Variants in DOCK4 observed in about 807,000 individuals in gnomAD.
The protein encoded by DOCK4 is dedicator of cytokinesis 4.
In DOCK4, 97 loss-of-function variants were observed where a neutral mutation model predicts 268.1. That is an observed-to-expected ratio of 0.36 (90% CI 0.31 to 0.43). The LOEUF (loss-of-function observed/expected upper bound fraction) is 0.43, where lower values mean the gene tolerates loss of function less well. Among genes scored for constraint, DOCK4 ranks in the 20% least tolerant of loss-of-function variants. The pLI is 1.00. For synonymous variants in DOCK4, 954 were observed against 887.2 expected (o/e 1.08, Z -1.34); for missense variants, 2,145 against 2,455.7 (o/e 0.87, Z 2.67).
chr7:111,806,074 T>G (rs145030877), intron 30 of DOCK4, among the ~76,000 whole-genome samples: 76 of 152,318 alleles, frequency 5.0e-4, no homozygotes, highest in African/African-American at 1.8e-3. Context: ...TCTTATGTCC[T>G]CCAAAATACT....
At chr7:111,870,882 G>C (rs1246658857) in intron 20 of DOCK4, among the ~76,000 whole-genome samples, 1 of 152,198 alleles carries the variant, frequency 6.6e-6, no homozygotes, top group Non-Finnish European at 1.5e-5. Flanking sequence ...CTTGGAAGCA[G>C]TAACCTCCTC....
intron 44 of DOCK4, among the ~76,000 whole-genome samples, chr7:111,745,793 A>T (rs946550453): frequency 6.6e-6 from 1 of 150,520 alleles, no homozygotes; most frequent in African/African-American, 2.4e-5. Context: ...TGTTTGTTTC[A>T]CAGGTTGAAC....
At position 112,000,489 on chromosome 7, in the gene DOCK4, T is replaced by C; in HGVS notation, c.162+5A>G. 10 of 1,481,816 alleles carry C rather than the reference T, an allele frequency of 6.7e-6. No individual in the cohort carries two copies. The highest frequency in any genetic ancestry group is 9.2e-6 in the Non-Finnish European group (10 of 1,086,218). The allele number at this position is 1,481,816 out of a possible 1,614,324, so 91.8% of individuals were successfully genotyped here. A position where few individuals can be genotyped will look rare whatever the true frequency, so the allele number is the denominator to read the frequency against. Reference sequence around the variant, plus strand: ...ATAATTATAGTTAGAAATAACAATTTTTACCTTGATATTTGGGTTTTTTAA... The same window carrying C: ...ATAATTATAGTTAGAAATAACAATTCTTACCTTGATATTTGGGTTTTTTAA... On this transcript the variant is annotated splice_donor_5th_base_variant and intron_variant, in intron 3 of 52. Coordinates refer to ENST00000428084, the MANE Select transcript of DOCK4 (RefSeq NM_001363540.2).
intron 25 of DOCK4, among the ~76,000 whole-genome samples, chr7:111,836,105 G>A (rs1352869993): frequency 6.6e-6 from 1 of 151,920 alleles, no homozygotes; most frequent in Admixed American, 6.6e-5. Context: ...GTATATGTGT[G>A]TAAGGTAGTA....
At chr7:112,032,729 C>G (rs781579323) in intron 1 of DOCK4, among the ~76,000 whole-genome samples, 7 of 151,934 alleles carry the variant, frequency 4.6e-5, no homozygotes, top group Non-Finnish European at 1.0e-4. Context: ...GCTCATTTTC[C>G]CCAAAGCCCC....
intron 1 of DOCK4, among the ~76,000 whole-genome samples, chr7:112,055,622 C>T (rs1805742108): frequency 6.6e-6 from 1 of 152,062 alleles, no homozygotes; most frequent in Non-Finnish European, 1.5e-5. Flanking sequence ...TTAAACTTCC[C>T]TAGGGCAGGG....
rs1382542874 is a variant in DOCK4 at position 112,202,912 on chromosome 7, A to C, written c.37+3190T>G. Among the ~76,000 whole-genome samples, 7 of 152,222 alleles carry C rather than the reference A, an allele frequency of 4.6e-5. No individual in the cohort carries two copies. The East Asian group carries it at 1.3e-3, about 29-fold the overall frequency. On this transcript the variant is annotated intron_variant, in intron 1 of 52. Coordinates refer to ENST00000428084, the MANE Select transcript of DOCK4 (RefSeq NM_001363540.2). ...AAACAAATTGAGAAAGAGAGGAACCAGCACCTCAGTTCTGGCAGCTTGCCA... is the reference window on the plus strand; with the variant it reads ...AAACAAATTGAGAAAGAGAGGAACCCGCACCTCAGTTCTGGCAGCTTGCCA...
intron 50 of DOCK4, among the ~76,000 whole-genome samples, chr7:111,735,487 T>G (rs1795412796): frequency 6.6e-6 from 1 of 152,190 alleles, no homozygotes; most frequent in Non-Finnish European, 1.5e-5. Context: ...ATGTAGTCAC[T>G]GGGCTATTTT....
chr7:112,055,515 C>A (rs1037225625), intron 1 of DOCK4, among the ~76,000 whole-genome samples: 1 of 152,120 alleles, frequency 6.6e-6, no homozygotes, highest in South Asian at 2.1e-4. Flanking sequence ...AGCTGAGAAT[C>A]GACTTTTTTT....
chr7:111,783,014 G>GAAAAA, intron 34 of DOCK4, 90 bp from the exon 35 acceptor site: 4 of 412,744 alleles, frequency 9.7e-6, no homozygotes, highest in Non-Finnish European at 1.5e-5. Flanking sequence ...AAGAAAGAAA[G>GAAAAA]AAAGAAAAAA....
rs112991970 is a variant in DOCK4 at position 112,021,436 on chromosome 7, C to T, written c.38-17305G>A. Among the ~76,000 whole-genome samples, 506 of 152,220 alleles carry T rather than the reference C, an allele frequency of 3.3e-3. 4 individuals are homozygous for T. The highest frequency in any genetic ancestry group is 0.012 in the African/African-American group (479 of 41,542). On this transcript the variant is annotated intron_variant, in intron 1 of 52. Transcript: ENST00000428084. ...CAATACCTATTTATCCTTTGACTAG[C>T]TCAGAAAAGAAGTGCTACTTGAATT... is the stretch of plus-strand genomic sequence containing the variant.
chr7:111,950,336 C>T (rs6944619), intron 8 of DOCK4, among the ~76,000 whole-genome samples: 34,241 of 152,150 alleles, frequency 0.23, 4,778 homozygotes, highest in African/African-American at 0.39. Flanking sequence ...TCTGTTCTAT[C>T]GCAACTCTGT....
chr7:112,080,737 T>C (rs986029252), intron 1 of DOCK4, among the ~76,000 whole-genome samples: 5 of 152,186 alleles, frequency 3.3e-5, no homozygotes, highest in Non-Finnish European at 7.3e-5. Flanking sequence ...ATTTACACAA[T>C]GGGTATATCC....
At chr7:111,838,708 T>G (rs191107880) in intron 25 of DOCK4, among the ~76,000 whole-genome samples, 175 of 152,094 alleles carry the variant, frequency 1.2e-3, no homozygotes, top group Non-Finnish European at 3.5e-4. Flanking sequence ...GGGGATGAGG[T>G]AGCATGGAGG....
At chr7:111,749,882 GA>G (rs1796517000) in intron 42 of DOCK4, among the ~76,000 whole-genome samples, 1 of 152,174 alleles carries the variant, frequency 6.6e-6, no homozygotes, top group Non-Finnish European at 1.5e-5. Flanking sequence ...ATCCCCTCTA[GA>G]CAGGGTGTAA....
intron 2 of DOCK4, among the ~76,000 whole-genome samples, chr7:112,002,772 G>A (rs111368932): frequency 7.9e-5 from 12 of 152,138 alleles, no homozygotes; most frequent in African/African-American, 1.7e-4. Flanking sequence ...CTGGGTGGCC[G>A]GGCATGGTGG....
intron 48 of DOCK4, 53 bp downstream of exon 48, chr7:111,739,343 G>T: frequency 6.3e-7 from 1 of 1,596,430 alleles, no homozygotes; most frequent in Non-Finnish European, 8.6e-7. Flanking sequence ...ACAGTTCCCA[G>T]GACTAGAAGG....
At chr7:111,984,162 G>T in intron 7 of DOCK4, 144 bp downstream of exon 7, 1 of 680,082 alleles carries the variant, frequency 1.5e-6, no homozygotes, top group Non-Finnish European at 2.4e-6. Flanking sequence ...CTGAGGGCAT[G>T]GTCACCTCAG....
chr7:111,896,537 C>A, intron 15 of DOCK4, among the ~76,000 whole-genome samples: 1 of 146,210 alleles, frequency 6.8e-6, no homozygotes, highest in Non-Finnish European at 1.5e-5. Flanking sequence ...ATTAACAGAA[C>A]CTTCTTTGGT....
Sources: allele counts gnomAD v4.1 joint callset (sites outside exome capture counted in the v4.1 genomes callset), GRCh38; gene constraint gnomAD v4.1.1; transcripts MANE v1.5; gene names NCBI Gene and HGNC (gene_info 2026-07-23, HGNC 2026-07-21).